Variants in RCSD1 observed in about 807,000 individuals in gnomAD.
RCSD1 encodes the protein RCSD domain containing 1.
RCSD1 carries 26 observed loss-of-function variants against 42.5 expected under a neutral mutation model. The ratio of observed to expected loss-of-function variants is 0.61; its 90% CI spans 0.45 to 0.85. RCSD1 has a LOEUF of 0.85. Ranked by LOEUF, RCSD1 falls within the 40% of genes least tolerant of loss-of-function variation. The pLI, the probability that RCSD1 is intolerant of heterozygous loss-of-function variation, is 0.00. For synonymous variants in RCSD1, 220 were observed against 212.2 expected (o/e 1.04, Z -0.32); for missense variants, 571 against 528.3 (o/e 1.08, Z -0.79).
chr1:167,695,807 C>G (rs1244053888), intron 5 of RCSD1, among the ~76,000 whole-genome samples: 1 of 152,136 alleles, frequency 6.6e-6, no homozygotes, highest in Admixed American at 6.5e-5. Flanking sequence ...AGGCGGGCAC[C>G]ACCACACCCA....
At chr1:167,692,149 A>G (rs1472015596) in intron 4 of RCSD1, among the ~76,000 whole-genome samples, 4 of 152,244 alleles carry the variant, frequency 2.6e-5, no homozygotes, top group African/African-American at 9.6e-5. Flanking sequence ...TGTCAGCAAT[A>G]GAATGACAAC....
intron 1 of RCSD1, among the ~76,000 whole-genome samples, chr1:167,650,512 G>A (rs1022032267): frequency 1.4e-4 from 22 of 152,058 alleles, no homozygotes; most frequent in Non-Finnish European, 2.9e-4. Flanking sequence ...CCTGACTCTC[G>A]AGTGTTTGGG....
intron 5 of RCSD1, among the ~76,000 whole-genome samples, chr1:167,695,779 C>T (rs1268727155): frequency 6.6e-6 from 1 of 151,992 alleles, no homozygotes; most frequent in African/African-American, 2.4e-5. Flanking sequence ...CCTATGCCTC[C>T]CAAAGTGCGA....
In RCSD1 at chr1:167,697,101, G is replaced by A; in HGVS notation, c.477G>A (p.Val159=). 2 of 1,610,342 alleles carry A rather than the reference G, an allele frequency of 1.2e-6. No homozygotes were observed. The highest frequency in any genetic ancestry group is 8.5e-7 in the Non-Finnish European group (1 of 1,178,080). The change falls in exon 6 of 7, where the codon GTG becomes GTA. Residue 159 remains valine, a splice_region_variant and synonymous_variant. Coordinates refer to ENST00000367854, the MANE Select transcript of RCSD1 (RefSeq NM_052862.4). ...EGSHLPCYNK[V]RTRGSIKRRP... is the part of the protein sequence containing the mutation. ...CTTTCCTTAACACTTTCTTCTAGGT[G>A]CGGACGAGGGGCTCAATAAAAAGGC...
intron 5 of RCSD1, among the ~76,000 whole-genome samples, chr1:167,695,626 C>T (rs1659481166): frequency 6.6e-6 from 1 of 151,652 alleles, no homozygotes; most frequent in South Asian, 2.1e-4. Context: ...GCAACCCCCA[C>T]CTCCTGGGCT....
chr1:167,637,062 A>T (rs886240406), intron 1 of RCSD1, among the ~76,000 whole-genome samples: 1 of 152,178 alleles, frequency 6.6e-6, no homozygotes, highest in African/African-American at 2.4e-5. Context: ...GCTTACACCC[A>T]CAGAGGAGGA....
chr1:167,705,875 T>C lies in RCSD1; in HGVS notation c.*1179T>C, dbSNP rs1659746797. On this transcript the variant is annotated 3_prime_UTR_variant, in exon 7 of 7. Transcript: ENST00000367854. ...CTCTCCCCTCTTCATACACTCCTGCTGAAAAATGTTAATCCAAATACACAT... is the reference window on the plus strand; with the variant it reads ...CTCTCCCCTCTTCATACACTCCTGCCGAAAAATGTTAATCCAAATACACAT... 1 of 152,226 alleles carries C rather than the reference T, an allele frequency of 6.6e-6. No homozygotes were observed. 9.4% of individuals were successfully genotyped at this position (152,226 alleles called of 1,614,324 possible). A position where few individuals can be genotyped will look rare whatever the true frequency, so the allele number is the denominator to read the frequency against.
Position 167,630,278 on chromosome 1 carries a change from C to T in RCSD1, c.-146C>T. On this transcript the variant is annotated 5_prime_UTR_variant, in exon 1 of 7. Transcript: ENST00000367854. ...GCCGGGGCAGTCCCGCAGCCGAGCG[C>T]AGCCGGGCGCGCGCCACCGCCCACT... The T allele has an allele frequency of 2.3e-6, 2 of 873,916 alleles. No homozygotes were observed. The highest frequency in any genetic ancestry group is 3.0e-6 in the Non-Finnish European group (2 of 657,936). The allele number at this position is 873,916 out of a possible 1,614,324, so 54.1% of individuals were successfully genotyped here.
chr1:167,665,666 G>A (rs1464078640), intron 1 of RCSD1, among the ~76,000 whole-genome samples: 3 of 152,216 alleles, frequency 2.0e-5, no homozygotes, highest in Non-Finnish European at 4.4e-5. Flanking sequence ...TCTTGTGGGT[G>A]TGTAGTGGTA....
At chr1:167,641,936 C>T (rs1173575452) in intron 1 of RCSD1, 1 of 152,264 alleles carries the variant, frequency 6.6e-6, no homozygotes. Context: ...TTACTTTTCA[C>T]CCCTGCTGCA....
intron 1 of RCSD1, among the ~76,000 whole-genome samples, chr1:167,640,930 C>T: frequency 6.6e-6 from 1 of 152,120 alleles, no homozygotes; most frequent in East Asian, 1.9e-4. Flanking sequence ...AGGTAAAGAA[C>T]TTGGGGATTG....
chr1:167,672,902 T>C (rs1275320573), intron 1 of RCSD1, among the ~76,000 whole-genome samples: 1 of 152,192 alleles, frequency 6.6e-6, no homozygotes, highest in East Asian at 1.9e-4. Context: ...TCCTTCTCTG[T>C]GTATGTCTCA....
intron 1 of RCSD1, among the ~76,000 whole-genome samples, chr1:167,665,726 A>C (rs905508756): frequency 1.3e-5 from 2 of 152,238 alleles, no homozygotes; most frequent in African/African-American, 4.8e-5. Context: ...TGTGCTTATT[A>C]GTGATTCATA....
intron 1 of RCSD1, among the ~76,000 whole-genome samples, chr1:167,656,446 T>C (rs952477137): frequency 2.0e-5 from 3 of 152,276 alleles, no homozygotes; most frequent in Non-Finnish European, 1.5e-5. Flanking sequence ...AAACATTTTC[T>C]CCACTATTGA....
intron 6 of RCSD1, 126 bp from the exon 7 acceptor site, chr1:167,704,538 C>A: frequency 3.8e-6 from 3 of 798,800 alleles, no homozygotes; most frequent in Non-Finnish European, 6.3e-6. Flanking sequence ...ATTCTTATGA[C>A]TATCATTCTT....
intron 1 of RCSD1, among the ~76,000 whole-genome samples, chr1:167,652,097 C>T (rs1216908259): frequency 1.3e-5 from 2 of 148,258 alleles, no homozygotes; most frequent in Non-Finnish European, 3.0e-5. Flanking sequence ...TCTCAGCTCA[C>T]TGCAATCTCT....
chr1:167,708,688 A>T lies in RCSD1; in HGVS notation c.*3992A>T, dbSNP rs1008939747. ...GTAGGTATTCAATAAATATTTGTTA[A>T]ATCATGAATGACTGAATTGATTTCA... is the stretch of plus-strand genomic sequence containing the variant. On this transcript the variant is annotated 3_prime_UTR_variant, in exon 7 of 7. Coordinates refer to ENST00000367854, the MANE Select transcript of RCSD1 (RefSeq NM_052862.4). Among the ~76,000 whole-genome samples, 9 of 152,226 alleles carry T rather than the reference A, an allele frequency of 5.9e-5. No individual in the cohort carries two copies. Among genetic ancestry groups the T allele is most frequent in the Admixed American group, 6.5e-5 (1 of 15,288 alleles).
chr1:167,632,491 A>G (rs2102190448), intron 1 of RCSD1, among the ~76,000 whole-genome samples: 1 of 152,320 alleles, frequency 6.6e-6, no homozygotes, highest in Non-Finnish European at 1.5e-5. Context: ...TGAAACTATC[A>G]GCTGAGCAAC....
intron 1 of RCSD1, among the ~76,000 whole-genome samples, chr1:167,679,315 C>T (rs980228813): frequency 6.6e-6 from 1 of 152,194 alleles, no homozygotes; most frequent in Non-Finnish European, 1.5e-5. Context: ...GACAGTGCCT[C>T]CCACATAGGA....
Sources: allele counts gnomAD v4.1 joint callset (sites outside exome capture counted in the v4.1 genomes callset), GRCh38; gene constraint gnomAD v4.1.1; transcripts MANE v1.5; gene names NCBI Gene and HGNC (gene_info 2026-07-23, HGNC 2026-07-21).